The following ANO2 variants were observed in gnomAD, a reference collection of about 807,000 sequenced individuals.
The protein encoded by ANO2 is anoctamin 2, also known as anoctamin-2.
A neutral mutation model predicts 124.2 loss-of-function variants in ANO2; 101 were observed. The observed-to-expected ratio is 0.81, with a 90% CI of 0.69 to 0.96. ANO2 has a LOEUF of 0.96. ANO2 is among the 40% of genes least tolerant of loss of function. The pLI is 0.00. For synonymous variants in ANO2, 486 were observed against 482.5 expected (o/e 1.01, Z -0.09); for missense variants, 1,293 against 1,274.5 (o/e 1.01, Z -0.22).
intron 14 of ANO2, among the ~76,000 whole-genome samples, chr12:5,676,695 T>C (rs1294907413): frequency 6.6e-6 from 1 of 152,090 alleles, no homozygotes; most frequent in Non-Finnish European, 1.5e-5. Context: ...TTTTTGAAAG[T>C]AGAATACTAA....
rs755399378 is a variant in ANO2 at position 5,832,504 on chromosome 12, T to G, written c.733A>C (p.Asn245His). 14 of 1,613,864 alleles carry G rather than the reference T, an allele frequency of 8.7e-6. No homozygotes were observed. Among genetic ancestry groups the G allele is most frequent in the Non-Finnish European group, 4.2e-6 (5 of 1,179,904 alleles). ...HLQPRVPEHS[N>H]NKMKNLSYPF... is the part of the protein sequence containing the mutation. ...TAGGAGAGGTTTTTCATCTTGTTGTTGCTGTGTTCTGGAACTCGGGGCTGC... is the reference window on the plus strand; with the variant it reads ...TAGGAGAGGTTTTTCATCTTGTTGTGGCTGTGTTCTGGAACTCGGGGCTGC... Residue 245 changes from asparagine to histidine, a missense_variant, in exon 5 of 25, where the codon AAC (asparagine) becomes CAC (histidine). By Grantham distance (68) the Asn-to-His change is moderately conservative. Transcript: ENST00000682330.
chr12:5,807,361 G>A lies in ANO2; in HGVS notation c.900C>T (p.Asn300=), dbSNP rs756381756. ...CATAGATATTGTTTGCGATCAGAGA[G>A]TTAATACCTACGGAAGAAAGGGAGA... ...CSRANNTMGI[N]SLIANNIYEA... Residue 300 remains asparagine, a synonymous_variant, in exon 8 of 25, where the codon AAC becomes AAT. Coordinates refer to ENST00000682330, the MANE Select transcript of ANO2 (RefSeq NM_001364791.2). 1 of 1,556,318 alleles carries A rather than the reference G, an allele frequency of 6.4e-7. No individual in the cohort carries two copies. Among genetic ancestry groups the A allele is most frequent in the South Asian group, 1.2e-5 (1 of 83,918 alleles).
chr12:5,759,112 A>G (rs534446839), intron 10 of ANO2, among the ~76,000 whole-genome samples: 71 of 150,656 alleles, frequency 4.7e-4, no homozygotes, highest in Non-Finnish European at 7.8e-4. Flanking sequence ...ACAGAGAAGA[A>G]TATTTAAATA....
At chr12:5,565,518 C>A in intron 24 of ANO2, 40 bp downstream of exon 24, 1 of 1,516,928 alleles carries the variant, frequency 6.6e-7, no homozygotes. Context: ...ACTCCTGCAG[C>A]CCGGATTCGA....
Position 5,612,911 on chromosome 12 carries a change from C to T in ANO2, c.1976G>A (p.Arg659His), listed in dbSNP as rs753503093. 6.2e-6 allele frequency: 10 copies of T among 1,613,770 alleles called. No individual in the cohort carries two copies. Among genetic ancestry groups the T allele is most frequent in the South Asian group, 2.2e-5 (2 of 91,078 alleles). ...GSYVYVFDGY[R>H]MEECAPGGCL... is the part of the protein sequence containing the mutation. ...AGTGGCTGTACTTGCCTCTTCCATG[C>T]GGTAACCATCGAATACATAGACGTA... is the stretch of plus-strand genomic sequence containing the variant. Residue 659 changes from arginine to histidine, a missense_variant, in exon 18 of 25, where the codon CGC becomes CAC. By Grantham distance (29) the Arg-to-His change is conservative. Coordinates refer to ENST00000682330, the MANE Select transcript of ANO2 (RefSeq NM_001364791.2).
At chr12:5,664,468 T>C (rs1947604738) in intron 14 of ANO2, among the ~76,000 whole-genome samples, 1 of 152,230 alleles carries the variant, frequency 6.6e-6, no homozygotes, top group Non-Finnish European at 1.5e-5. Context: ...TTAAGGATTC[T>C]TTACTTATCT....
At chr12:5,689,293 G>A (rs1948834003) in intron 14 of ANO2, among the ~76,000 whole-genome samples, 1 of 152,054 alleles carries the variant, frequency 6.6e-6, no homozygotes, top group African/African-American at 2.4e-5. Context: ...TAGAGAACAG[G>A]AGATACGAGG....
chr12:5,684,145 C>T (rs957178711), intron 14 of ANO2, among the ~76,000 whole-genome samples: 1 of 152,160 alleles, frequency 6.6e-6, no homozygotes, highest in Non-Finnish European at 1.5e-5. Flanking sequence ...CCTCCCACAC[C>T]TCCACCAAGC....
intron 3 of ANO2, among the ~76,000 whole-genome samples, chr12:5,913,313 G>A (rs768146745): frequency 6.6e-6 from 1 of 152,130 alleles, no homozygotes; most frequent in Non-Finnish European, 1.5e-5. Context: ...CTGAGTGTTC[G>A]CCCTGTGAGG....
At chr12:5,621,291 GTGAA>G (rs1319985252) in intron 16 of ANO2, among the ~76,000 whole-genome samples, 18 of 152,176 alleles carry the variant, frequency 1.2e-4, no homozygotes, top group African/African-American at 4.3e-4. Context: ...AAATGAATGA[GTGAA>G]TGAATGACAG....
intron 23 of ANO2, among the ~76,000 whole-genome samples, chr12:5,570,735 C>A (rs1942060009): frequency 6.6e-6 from 1 of 152,212 alleles, no homozygotes; most frequent in African/African-American, 2.4e-5. Flanking sequence ...CATTTCTCAA[C>A]TCCAAATAGT....
At chr12:5,670,105 T>G (rs1394440258) in intron 14 of ANO2, among the ~76,000 whole-genome samples, 2 of 152,186 alleles carry the variant, frequency 1.3e-5, no homozygotes, top group Non-Finnish European at 2.9e-5. Flanking sequence ...CGTGTGGGAT[T>G]TGGAAACCAT....
chr12:5,606,658 T>C (rs1320617612), intron 19 of ANO2, among the ~76,000 whole-genome samples: 1 of 152,110 alleles, frequency 6.6e-6, no homozygotes, highest in East Asian at 1.9e-4. Flanking sequence ...TAAAAGTTGA[T>C]TAAAAAATGA....
chr12:5,656,053 G>T (rs572278258), intron 14 of ANO2, among the ~76,000 whole-genome samples: 2 of 152,316 alleles, frequency 1.3e-5, no homozygotes, highest in South Asian at 4.1e-4. Context: ...GGAATAGTGG[G>T]AGTAAAACCA....
chr12:5,740,096 A>T (rs1565629757), intron 12 of ANO2: 1 of 411,774 alleles, frequency 2.4e-6, no homozygotes. Flanking sequence ...CTTTCTCAGC[A>T]TGCTCTAGGA....
intron 12 of ANO2, 86 bp from the exon 13 acceptor site, chr12:5,739,485 GA>G: frequency 8.9e-7 from 1 of 1,124,706 alleles, no homozygotes; most frequent in South Asian, 1.4e-5. Context: ...GGAGGTGGGG[GA>G]TAAGCTATTT....
chr12:5,890,618 C>T (rs142207074), intron 3 of ANO2, among the ~76,000 whole-genome samples: 32 of 152,310 alleles, frequency 2.1e-4, no homozygotes, highest in Middle Eastern at 3.4e-3. Context: ...ATGCAGTTTA[C>T]AGCGCAAGTC....
At chr12:5,775,245 G>A (rs1017197039) in intron 10 of ANO2, among the ~76,000 whole-genome samples, 5 of 151,658 alleles carry the variant, frequency 3.3e-5, no homozygotes, top group South Asian at 2.1e-4. Context: ...TATTACTAAC[G>A]GATAAGAGAA....
chr12:5,928,690 A>G (rs1403486068), intron 1 of ANO2, among the ~76,000 whole-genome samples: 3 of 118,966 alleles, frequency 2.5e-5, no homozygotes, highest in African/African-American at 3.7e-5. Context: ...TTACTCGTCT[A>G]CCTTCTTTCC....
Sources: gnomAD v4.1 joint callset for allele counts (sites outside exome capture counted in the v4.1 genomes callset) on GRCh38, gnomAD v4.1.1 for gene constraint, MANE v1.5 for transcripts, NCBI Gene and HGNC (gene_info 2026-07-23, HGNC 2026-07-21) for gene names.